The following NXPE3 variants were observed in gnomAD, a reference collection of about 807,000 sequenced individuals.
NXPE3 encodes the protein neurexophilin and PC-esterase domain family member 3.
In NXPE3, 26 loss-of-function variants were observed where a neutral mutation model predicts 46.1. The observed-to-expected ratio is 0.56, with a 90% CI of 0.41 to 0.78. The LOEUF is 0.78. Ranked by LOEUF, NXPE3 falls within the 30% of genes least tolerant of loss-of-function variation. The pLI is 0.00. For synonymous variants in NXPE3, 272 were observed against 257.9 expected (o/e 1.05, Z -0.52); for missense variants, 620 against 686.0 (o/e 0.90, Z 1.07).
chr3:101,796,737 T>A (rs1940850287), intron 4 of NXPE3, among the ~76,000 whole-genome samples: 1 of 152,202 alleles, frequency 6.6e-6, no homozygotes, highest in South Asian at 2.1e-4. Flanking sequence ...TAAATGAGAT[T>A]CTTTAAAGTG....
chr3:101,804,905 T>C (rs985218682), intron 5 of NXPE3, among the ~76,000 whole-genome samples: 2 of 152,262 alleles, frequency 1.3e-5, no homozygotes, highest in African/African-American at 2.4e-5. Context: ...AACATTTCCC[T>C]TTTATTTTAG....
At position 101,793,302 on chromosome 3, in the gene NXPE3, A is replaced by G. The variant is rs749160291; in HGVS notation, c.93+7613A>G. ...CTGGCTAGGATTTCCAATGTTGAATATAAGTGGTGAGAGGTGACATGCTTT... is the reference window on the plus strand; with the variant it reads ...CTGGCTAGGATTTCCAATGTTGAATGTAAGTGGTGAGAGGTGACATGCTTT... On this transcript the variant is annotated intron_variant, in intron 4 of 7. Coordinates refer to ENST00000273347, the MANE Select transcript of NXPE3 (RefSeq NM_145037.4). Among the ~76,000 whole-genome samples the G allele has an allele frequency of 5.3e-5, 8 of 152,270 alleles. No individual in the cohort carries two copies. The East Asian group carries it at 7.7e-4, about 15-fold the overall frequency.
At chr3:101,805,528 T>G (rs1941376145) in intron 5 of NXPE3, among the ~76,000 whole-genome samples, 1 of 152,004 alleles carries the variant, frequency 6.6e-6, no homozygotes, top group Non-Finnish European at 1.5e-5. Context: ...TCACTTGACT[T>G]CCTGGGGTCA....
At chr3:101,789,246 A>G (rs1940364331) in intron 4 of NXPE3, among the ~76,000 whole-genome samples, 1 of 152,214 alleles carries the variant, frequency 6.6e-6, no homozygotes, top group Non-Finnish European at 1.5e-5. Context: ...TTAATGCTAT[A>G]AATTTTCTTC....
Position 101,827,199 on chromosome 3 carries a change from TAAC to T in NXPE3, c.*5247_*5249del, listed in dbSNP as rs1453751101. 6.6e-6 allele frequency: 1 copy of T among 152,170 alleles called. No homozygotes were observed. The highest frequency in any genetic ancestry group is 2.4e-5 in the African/African-American group (1 of 41,418). The allele number at this position is 152,170 out of a possible 1,614,324, so 9.4% of individuals were successfully genotyped here. A position where few individuals can be genotyped will look rare whatever the true frequency, so the allele number is the denominator to read the frequency against. ...TCTAATGCCCATTCCAGCTGGATTG[TAAC>T]ACTGCTTGGGGAAGATAACTTAAAA... On this transcript the variant is annotated 3_prime_UTR_variant, in exon 8 of 8. Transcript: ENST00000273347.
chr3:101,808,398 A>G (rs1333451633), intron 6 of NXPE3, among the ~76,000 whole-genome samples: 3 of 152,084 alleles, frequency 2.0e-5, no homozygotes, highest in African/African-American at 4.8e-5. Context: ...GGGGCTTGAT[A>G]TTTAATACCT....
intron 7 of NXPE3, among the ~76,000 whole-genome samples, chr3:101,817,931 C>G (rs1194364014): frequency 6.6e-6 from 1 of 152,132 alleles, no homozygotes; most frequent in Non-Finnish European, 1.5e-5. Flanking sequence ...CACTCTCTCA[C>G]CCAGGCTGGA....
At chr3:101,818,049 C>G (rs1005830882) in intron 7 of NXPE3, among the ~76,000 whole-genome samples, 6 of 152,040 alleles carry the variant, frequency 3.9e-5, no homozygotes, top group African/African-American at 1.4e-4. Flanking sequence ...AGCCACTGCA[C>G]TCAGCTAATT....
In NXPE3 at chr3:101,825,423, AAT is replaced by A. The variant is rs1375005925; in HGVS notation, c.*3471_*3472del. 1 of 152,256 alleles carries A rather than the reference AAT, an allele frequency of 6.6e-6. No homozygotes were observed. Among genetic ancestry groups the A allele is most frequent in the Non-Finnish European group, 1.5e-5 (1 of 68,044 alleles). 9.4% of individuals were successfully genotyped at this position (152,256 alleles called of 1,614,324 possible). On this transcript the variant is annotated 3_prime_UTR_variant, in exon 8 of 8. Transcript: ENST00000273347. ...GTGAATATTAGCATGGTAGCCAAAT[AAT>A]AGTTTGTTTAAATGTATATTTCCCA...
At chr3:101,806,310 G>C (rs1379911600) in intron 5 of NXPE3, among the ~76,000 whole-genome samples, 1 of 151,952 alleles carries the variant, frequency 6.6e-6, no homozygotes, top group Non-Finnish European at 1.5e-5. Context: ...GTTTTATTGT[G>C]ACTCAGTTTC....
chr3:101,822,066 A>G lies in NXPE3; in HGVS notation c.*112A>G. On this transcript the variant is annotated 3_prime_UTR_variant, in exon 8 of 8. Coordinates refer to ENST00000273347, the MANE Select transcript of NXPE3 (RefSeq NM_145037.4). Reference sequence around the variant, plus strand: ...CTGCCCTTAATAAGTATAAAATTTCAAAAAGATCTGGACTTAATATGATGA... The same window carrying G: ...CTGCCCTTAATAAGTATAAAATTTCGAAAAGATCTGGACTTAATATGATGA... The G allele has an allele frequency of 2.1e-6, 2 of 932,818 alleles. No individual in the cohort carries two copies. The highest frequency in any genetic ancestry group is 3.2e-6 in the Non-Finnish European group (2 of 621,220). The allele number at this position is 932,818 out of a possible 1,614,324, so 57.8% of individuals were successfully genotyped here. A position where few individuals can be genotyped will look rare whatever the true frequency, so the allele number is the denominator to read the frequency against.
Position 101,821,429 on chromosome 3 carries a change from T to TC in NXPE3, c.1158dup (p.Lys387GlnfsTer33). ...ATTTAGTGGAGTTTAACTTGGGTAG[T>TC]CCCAAGAATGTGGGTCCCTTCCTTG... On this transcript the variant is annotated frameshift_variant, in exon 8 of 8. Coordinates refer to ENST00000273347, the MANE Select transcript of NXPE3 (RefSeq NM_145037.4). LOFTEE classifies it high-confidence loss of function. The TC allele has an allele frequency of 1.2e-6, 2 of 1,614,000 alleles. No individual in the cohort carries two copies. The highest frequency in any genetic ancestry group is 1.7e-6 in the Non-Finnish European group (2 of 1,179,920).
Position 101,802,087 on chromosome 3 carries a change from C to CCT in NXPE3, c.848+106_848+107dup, listed in dbSNP as rs1203284250. 4.2e-6 allele frequency: 5 copies of CCT among 1,198,288 alleles called. No individual in the cohort carries two copies. The African/African-American group carries it at 4.6e-5, about 11-fold the overall frequency. The allele number at this position is 1,198,288 out of a possible 1,614,324, so 74.2% of individuals were successfully genotyped here. On this transcript the variant is annotated intron_variant, in intron 5 of 7. Transcript: ENST00000273347. ...TCTGGTATTCGGTATGTGTTTCTTA[C>CCT]CTCTCTCTCAACTTGGCCCAATACA...
intron 6 of NXPE3, among the ~76,000 whole-genome samples, chr3:101,811,867 A>G (rs1048135423): frequency 6.6e-6 from 1 of 150,604 alleles, no homozygotes; most frequent in African/African-American, 2.4e-5. Context: ...CCAAGTAGCT[A>G]CCATTGCAGG....
chr3:101,785,400 A>G lies in NXPE3; in HGVS notation c.-195-2A>G. 2 of 557,168 alleles carry G rather than the reference A, an allele frequency of 3.6e-6. No individual in the cohort carries two copies. The highest frequency in any genetic ancestry group is 4.0e-5 in the South Asian group (2 of 49,818). The allele number at this position is 557,168 out of a possible 1,614,324, so 34.5% of individuals were successfully genotyped here. On this transcript the variant is annotated splice_acceptor_variant, in intron 3 of 7. Transcript: ENST00000273347. LOFTEE classifies it low-confidence loss of function (5UTR_SPLICE). Reference sequence around the variant, plus strand: ...ATGTTCTCTCATCTCTCCTCTTTGAAGGATTTCTTTGAAGAAAAATGTGCT... The same window carrying G: ...ATGTTCTCTCATCTCTCCTCTTTGAGGGATTTCTTTGAAGAAAAATGTGCT...
At chr3:101,786,869 C>A (rs1435617293) in intron 4 of NXPE3, among the ~76,000 whole-genome samples, 1 of 152,098 alleles carries the variant, frequency 6.6e-6, no homozygotes, top group Non-Finnish European at 1.5e-5. Flanking sequence ...TGCAATCACC[C>A]CACCATCTAT....
Position 101,815,377 on chromosome 3 carries a change from A to G in NXPE3, c.923-1418A>G, listed in dbSNP as rs138757914. ...TTTGAAGATGGGATTCATGGATTCT[A>G]ACTTTGCTTTTAATGGGCTGAAAAC... On this transcript the variant is annotated intron_variant, in intron 6 of 7. Coordinates refer to ENST00000273347, the MANE Select transcript of NXPE3 (RefSeq NM_145037.4). Among the ~76,000 whole-genome samples, 6 of 152,298 alleles carry G rather than the reference A, an allele frequency of 3.9e-5. No homozygotes were observed. In the East Asian group the frequency reaches 1.2e-3, roughly 29 times the overall value.
chr3:101,816,746 A>G (rs373165051), intron 6 of NXPE3, 49 bp from the exon 7 acceptor site: 243 of 1,390,276 alleles, frequency 1.7e-4, no homozygotes, highest in Non-Finnish European at 2.2e-4. Flanking sequence ...TTTTTCATCT[A>G]TTGTTGGAGG....
chr3:101,804,827 CAG>C (rs1941333652), intron 5 of NXPE3, among the ~76,000 whole-genome samples: 1 of 152,300 alleles, frequency 6.6e-6, no homozygotes, highest in Non-Finnish European at 1.5e-5. Flanking sequence ...GAAAGGACAA[CAG>C]GGGTTTCCTT....
Sources: allele counts gnomAD v4.1 joint callset (sites outside exome capture counted in the v4.1 genomes callset), GRCh38; gene constraint gnomAD v4.1.1; transcripts MANE v1.5; gene names NCBI Gene and HGNC (gene_info 2026-07-23, HGNC 2026-07-21).